Variants in PMFBP1 observed in about 807,000 individuals in gnomAD.
PMFBP1 encodes polyamine modulated factor 1 binding protein 1, also known as polyamine-modulated factor 1-binding protein 1.
In PMFBP1, 131 loss-of-function variants were observed where a neutral mutation model predicts 137.8. That is an observed-to-expected ratio of 0.95 (90% confidence interval 0.82 to 1.10). The LOEUF is 1.10. Among genes scored for constraint, PMFBP1 ranks in the 50% least tolerant of loss-of-function variants. The pLI, the probability that PMFBP1 is intolerant of heterozygous loss-of-function variation, is 0.00. For synonymous variants in PMFBP1, 490 were observed against 450.4 expected (o/e 1.09, Z -1.11); for missense variants, 1,199 against 1,175.4 (o/e 1.02, Z -0.29).
chr16:72,205,270 T>TTGGTG, the PMFBP1 span, among the ~76,000 whole-genome samples: 3 of 152,222 alleles, frequency 2.0e-5, no homozygotes, highest in Admixed American at 1.3e-4. Flanking sequence ...CGCTGAAGCG[T>TTGGTG]TGGTGTGGTG....
rs548392169 is a variant in PMFBP1 at position 72,144,619 on chromosome 16, T to C, written c.637-4037A>G. On this transcript the variant is annotated intron_variant, in intron 5 of 20. Transcript: ENST00000237353. ...ATACATATAAAATATATATTCCAGA[T>C]GGACTAAAGATAAAAACATAAAAAT... is the stretch of plus-strand genomic sequence containing the variant. 9.2e-5 allele frequency among the ~76,000 whole-genome samples: 14 copies of C among 152,202 alleles called. No individual in the cohort carries two copies. In the East Asian group the frequency reaches 1.9e-3, roughly 21 times the overall value.
upstream of PMFBP1, among the ~76,000 whole-genome samples, chr16:72,173,312 G>A (rs1567645711): frequency 1.3e-5 from 2 of 152,222 alleles, no homozygotes; most frequent in Non-Finnish European, 2.9e-5. Flanking sequence ...ATGTATCCTT[G>A]AGAATCATAC....
At chr16:72,239,881 T>C in the PMFBP1 span, among the ~76,000 whole-genome samples, 1 of 99,554 alleles carries the variant, frequency 1.0e-5, no homozygotes, top group Non-Finnish European at 1.9e-5. Context: ...AGAGACTCCA[T>C]GTACAAAAAA....
At chr16:72,175,911 C>T (rs146826822), upstream of PMFBP1, among the ~76,000 whole-genome samples, 450 of 152,186 alleles carry the variant, frequency 3.0e-3, 3 homozygotes, top group African/African-American at 0.011. Flanking sequence ...TTATTTCTAC[C>T]CAGAAAGTAT....
Position 72,119,104 on chromosome 16 carries a change from A to G in PMFBP1, c.*234T>C. On this transcript the variant is annotated 3_prime_UTR_variant, in exon 21 of 21. Transcript: ENST00000237353. ...ACAGCTCACCACAACTGCTGTGCTC[A>G]TGCTCATGTCTTTATTTCAGAGTTT... 1 of 507,270 alleles carries G rather than the reference A, an allele frequency of 2.0e-6. No homozygotes were observed. Among genetic ancestry groups the G allele is most frequent in the Non-Finnish European group, 3.5e-6 (1 of 284,802 alleles). 31.4% of individuals were successfully genotyped at this position (507,270 alleles called of 1,614,324 possible). A position where few individuals can be genotyped will look rare whatever the true frequency, so the allele number is the denominator to read the frequency against.
Position 72,130,515 on chromosome 16 carries a change from G to A in PMFBP1, c.1637+18C>T, listed in dbSNP as rs770792943. ...AGTGACAGAACCTCTCTCTGGAGGGGAGCCTGAGCCTGGGCACCTGTTGGA... is the reference window on the plus strand; with the variant it reads ...AGTGACAGAACCTCTCTCTGGAGGGAAGCCTGAGCCTGGGCACCTGTTGGA... On this transcript the variant is annotated intron_variant, in intron 11 of 20. Transcript: ENST00000237353. 8.1e-6 allele frequency: 13 copies of A among 1,613,590 alleles called. No homozygotes were observed. In the South Asian group the frequency reaches 9.9e-5, roughly 12 times the overall value.
rs772569439 is a variant in PMFBP1 at position 72,126,048 on chromosome 16, T to C, written c.2173A>G (p.Thr725Ala). Residue 725 changes from threonine (T) to alanine (A), a missense_variant, in exon 15 of 21, where the codon ACC becomes GCC. Coordinates refer to ENST00000237353, the MANE Select transcript of PMFBP1 (RefSeq NM_031293.3). ...GCATCATAGGCTTCTTTGGTGATGG[T>C]AGTCTGGAGATAGTGCTTCTCCTTC... is the stretch of plus-strand genomic sequence containing the variant. ...LQKEKHYLQT[T>A]ITKEAYDALS... The C allele has an allele frequency of 1.2e-6, 2 of 1,614,166 alleles. No individual in the cohort carries two copies. The highest frequency in any genetic ancestry group is 1.7e-6 in the Non-Finnish European group (2 of 1,180,010).
chr16:72,238,263 CACCAACAGG>C, the PMFBP1 span, among the ~76,000 whole-genome samples: 1 of 152,174 alleles, frequency 6.6e-6, no homozygotes, highest in Non-Finnish European at 1.5e-5. Context: ...TTTACACTTC[CACCAACAGG>C]GTATAGTGTT....
At chr16:72,141,655 A>G (rs1391465715) in intron 5 of PMFBP1, among the ~76,000 whole-genome samples, 1 of 152,140 alleles carries the variant, frequency 6.6e-6, no homozygotes, top group Non-Finnish European at 1.5e-5. Context: ...TTGCTTTTAA[A>G]TGTGTTGATC....
At chr16:72,122,674 G>A (rs1034834240) in intron 19 of PMFBP1, among the ~76,000 whole-genome samples, 2 of 152,182 alleles carry the variant, frequency 1.3e-5, no homozygotes, top group Non-Finnish European at 1.5e-5. Context: ...ATGAGAGCAG[G>A]AAGGAGCAAA....
At chr16:72,239,885 C>CAAAAAAAAAAAAAAAAAAA in the PMFBP1 span, among the ~76,000 whole-genome samples, 1 of 21,384 alleles carries the variant, frequency 4.7e-5, no homozygotes, top group East Asian at 1.2e-3. Flanking sequence ...ACTCCATGTA[C>CAAAAAAAAAAAAAAAAAAA]AAAAAAAAAA....
intron 5 of PMFBP1, among the ~76,000 whole-genome samples, chr16:72,148,511 A>C (rs2042849992): frequency 1.3e-5 from 2 of 152,192 alleles, no homozygotes; most frequent in Admixed American, 1.3e-4. Context: ...CCAGAACTTA[A>C]AGTAGAATAA....
At position 72,136,676 on chromosome 16, in the gene PMFBP1, C is replaced by T. The variant is rs1197662101; in HGVS notation, c.1045+17G>A. ...TTCCTTCTGGCTCCCCTGCCACAGC[C>T]TGCAGCCCCAGTTTACCCTTCATGA... On this transcript the variant is annotated intron_variant, in intron 8 of 20. Coordinates refer to ENST00000237353, the MANE Select transcript of PMFBP1 (RefSeq NM_031293.3). 1 of 1,614,040 alleles carries T rather than the reference C, an allele frequency of 6.2e-7. No individual in the cohort carries two copies. The highest frequency in any genetic ancestry group is 1.7e-5 in the Admixed American group (1 of 59,996).
chr16:72,158,180 C>T (rs2144463874), intron 3 of PMFBP1, among the ~76,000 whole-genome samples: 1 of 152,202 alleles, frequency 6.6e-6, no homozygotes, highest in Non-Finnish European at 1.5e-5. Context: ...TTAAGTGCCT[C>T]AGAATTGAGA....
At chr16:72,185,302 G>A in the PMFBP1 span, among the ~76,000 whole-genome samples, 1 of 152,020 alleles carries the variant, frequency 6.6e-6, no homozygotes, top group Non-Finnish European at 1.5e-5. Flanking sequence ...GGGATTACAG[G>A]CATGAGCCAC....
intron 19 of PMFBP1, among the ~76,000 whole-genome samples, chr16:72,122,222 T>A (rs1156837286): frequency 6.6e-6 from 1 of 152,220 alleles, no homozygotes; most frequent in Non-Finnish European, 1.5e-5. Flanking sequence ...CACAAAGAAA[T>A]GATCTCATTC....
chr16:72,119,804 T>C, intron 20 of PMFBP1, 47 bp downstream of exon 20: 1 of 1,598,856 alleles, frequency 6.3e-7, no homozygotes, highest in South Asian at 1.1e-5. Flanking sequence ...ATCCAGTGAT[T>C]TAAAGAAAAA....
intron 15 of PMFBP1, 58 bp from the exon 16 acceptor site, chr16:72,125,463 A>C (rs2042442001): frequency 6.4e-7 from 1 of 1,556,172 alleles, no homozygotes; most frequent in African/African-American, 1.4e-5. Flanking sequence ...CTCTCTGCTG[A>C]GTCCTGAATG....
chr16:72,216,749 A>G, the PMFBP1 span, among the ~76,000 whole-genome samples: 1 of 152,228 alleles, frequency 6.6e-6, no homozygotes, highest in Admixed American at 6.5e-5. Flanking sequence ...AAAGGCCCAG[A>G]GAAACAAGCA....
Sources: gnomAD v4.1 joint callset for allele counts (sites outside exome capture counted in the v4.1 genomes callset) on GRCh38, gnomAD v4.1.1 for gene constraint, MANE v1.5 for transcripts, NCBI Gene and HGNC (gene_info 2026-07-23, HGNC 2026-07-21) for gene names.